Variants in CDK14 observed in about 807,000 individuals in gnomAD.
CDK14 encodes cyclin dependent kinase 14, also known as cyclin-dependent kinase 14.
A neutral mutation model predicts 60.7 loss-of-function variants in CDK14; 34 were observed. That is an observed-to-expected ratio of 0.56 (90% CI 0.43 to 0.75). The LOEUF is 0.75. Ranked by LOEUF, CDK14 falls within the 30% of genes least tolerant of loss-of-function variation. The pLI is 0.00. For synonymous variants in CDK14, 197 were observed against 203.7 expected (o/e 0.97, Z 0.28); for missense variants, 482 against 564.1 (o/e 0.85, Z 1.47).
At chr7:90,851,081 A>G (rs1790633728) in intron 5 of CDK14, among the ~76,000 whole-genome samples, 2 of 152,208 alleles carry the variant, frequency 1.3e-5, no homozygotes, top group Non-Finnish European at 2.9e-5. Flanking sequence ...CTAAGACAAA[A>G]GGAAAAGCAG....
At chr7:90,772,860 A>G (rs1056036602) in intron 4 of CDK14, among the ~76,000 whole-genome samples, 2 of 152,218 alleles carry the variant, frequency 1.3e-5, no homozygotes, top group African/African-American at 4.8e-5. Context: ...ACCAATTATT[A>G]AAGTTCTGTA....
chr7:91,197,314 C>A (rs555431629), intron 14 of CDK14, among the ~76,000 whole-genome samples: 1 of 151,374 alleles, frequency 6.6e-6, no homozygotes, highest in Non-Finnish European at 1.5e-5. Context: ...GCAGGAGAAT[C>A]ACGTGAACCC....
intron 9 of CDK14, among the ~76,000 whole-genome samples, chr7:90,972,034 T>A (rs970310593): frequency 6.6e-6 from 1 of 152,214 alleles, no homozygotes; most frequent in African/African-American, 2.4e-5. Context: ...TATTCTGATA[T>A]GCTTAATTTG....
At chr7:90,857,593 A>G (rs1413235062) in intron 5 of CDK14, among the ~76,000 whole-genome samples, 1 of 152,232 alleles carries the variant, frequency 6.6e-6, no homozygotes. Flanking sequence ...GGATGCTTGA[A>G]TTACTAATGC....
intron 2 of CDK14, among the ~76,000 whole-genome samples, chr7:90,645,909 T>C (rs1007166163): frequency 2.6e-5 from 4 of 152,192 alleles, no homozygotes; most frequent in African/African-American, 4.8e-5. Flanking sequence ...TAGATTTCTT[T>C]TAAGCAGATC....
chr7:90,742,644 G>A (rs182127611), intron 3 of CDK14, among the ~76,000 whole-genome samples: 195 of 151,790 alleles, frequency 1.3e-3, no homozygotes, highest in African/African-American at 2.8e-3. Context: ...AAAAGTCTAC[G>A]TCATACTGCT....
chr7:90,926,640 A>T (rs1163163120), intron 8 of CDK14, among the ~76,000 whole-genome samples: 1 of 152,104 alleles, frequency 6.6e-6, no homozygotes, highest in Non-Finnish European at 1.5e-5. Flanking sequence ...CTTTCAAATT[A>T]ACTTTTTGGG....
At chr7:90,792,051 C>G (rs113352087) in intron 5 of CDK14, among the ~76,000 whole-genome samples, 1 of 151,796 alleles carries the variant, frequency 6.6e-6, no homozygotes, top group Non-Finnish European at 1.5e-5. Context: ...TACAGGCGTG[C>G]GCCACTACGC....
chr7:91,116,732 C>T (rs1011673967), intron 13 of CDK14, among the ~76,000 whole-genome samples: 1 of 152,056 alleles, frequency 6.6e-6, no homozygotes, highest in Non-Finnish European at 1.5e-5. Context: ...CCCAGCCTAT[C>T]GAAGATTCAA....
chr7:90,814,822 C>G (rs1372014542), intron 5 of CDK14, among the ~76,000 whole-genome samples: 2 of 152,126 alleles, frequency 1.3e-5, no homozygotes, highest in Non-Finnish European at 2.9e-5. Context: ...AGCCAGGAAG[C>G]TGATTGTAAA....
chr7:91,170,917 C>T (rs140550514), intron 14 of CDK14, among the ~76,000 whole-genome samples: 1,811 of 150,672 alleles, frequency 0.012, 29 homozygotes, highest in South Asian at 0.023. Context: ...CAGGTGTGCA[C>T]CACCATACCC....
At chr7:90,938,241 A>G (rs1052404005) in intron 8 of CDK14, among the ~76,000 whole-genome samples, 13 of 152,222 alleles carry the variant, frequency 8.5e-5, no homozygotes, top group Admixed American at 7.9e-4. Context: ...TGAATAATCC[A>G]TCTTTGTTTT....
chr7:90,710,037 T>C (rs762766542), intron 2 of CDK14: 4 of 900,966 alleles, frequency 4.4e-6, no homozygotes, highest in Non-Finnish European at 5.3e-6. Flanking sequence ...GACTCACTCA[T>C]TTACAACTTA....
At chr7:90,956,797 A>G (rs188906235) in intron 9 of CDK14, among the ~76,000 whole-genome samples, 1 of 127,926 alleles carries the variant, frequency 7.8e-6, no homozygotes, top group African/African-American at 2.9e-5. Context: ...CCAGAGTGTG[A>G]TGTTCCCCTT....
chr7:90,939,559 C>T (rs780855448), intron 8 of CDK14, among the ~76,000 whole-genome samples: 7 of 152,162 alleles, frequency 4.6e-5, no homozygotes, highest in Admixed American at 6.5e-5. Context: ...GTTATTAGTA[C>T]AGTCTTCTTG....
intron 8 of CDK14, among the ~76,000 whole-genome samples, chr7:90,929,696 T>G (rs1429841287): frequency 6.6e-6 from 1 of 152,254 alleles, no homozygotes; most frequent in Non-Finnish European, 1.5e-5. Context: ...ACATTTTGTT[T>G]GCTAAGCAGG....
In CDK14 at chr7:90,629,984, G is replaced by A. The variant is rs554683222; in HGVS notation, c.123+25735G>A. ...AGAGGTTGCAGTGAGCCAAGATAGC[G>A]GCCAAGATAGTGCTACTGCACTCCA... On this transcript the variant is annotated intron_variant, in intron 2 of 14. Coordinates refer to ENST00000380050, the MANE Select transcript of CDK14 (RefSeq NM_001287135.2). 7.2e-5 allele frequency among the ~76,000 whole-genome samples: 11 copies of A among 151,986 alleles called. No individual in the cohort carries two copies. The East Asian group carries it at 1.7e-3, about 24-fold the overall frequency.
intron 2 of CDK14, among the ~76,000 whole-genome samples, chr7:90,713,908 C>T (rs1802150653): frequency 6.6e-6 from 1 of 152,010 alleles, no homozygotes; most frequent in South Asian, 2.1e-4. Context: ...AGTCACCTTT[C>T]TTATGAGGTT....
chr7:90,666,621 T>G lies in CDK14; in HGVS notation c.124-59946T>G, dbSNP rs1411350829. ...ATCTGTCAATATCTTGAGAAATGTC[T>G]GTTATTTCACGGAACATAGTTTGGG... is the stretch of plus-strand genomic sequence containing the variant. On this transcript the variant is annotated intron_variant, in intron 2 of 14. Coordinates refer to ENST00000380050, the MANE Select transcript of CDK14 (RefSeq NM_001287135.2). 2.0e-5 allele frequency among the ~76,000 whole-genome samples: 3 copies of G among 152,260 alleles called. No individual in the cohort carries two copies. In the East Asian group the frequency reaches 5.8e-4, roughly 29 times the overall value.
Sources: allele counts gnomAD v4.1 joint callset (sites outside exome capture counted in the v4.1 genomes callset), GRCh38; gene constraint gnomAD v4.1.1; transcripts MANE v1.5; gene names NCBI Gene and HGNC (gene_info 2026-07-23, HGNC 2026-07-21).